The following NXPE4 variants were observed in gnomAD, a reference collection of about 807,000 sequenced individuals.
NXPE4 encodes NXPE family member 4.
Under a neutral mutation model 33.3 loss-of-function variants are expected in NXPE4, and 42 were observed. The observed-to-expected ratio is 1.26, with a 90% CI of 0.98 to 1.63. The LOEUF is 1.63. Ranked by LOEUF, NXPE4 falls within the 40% of genes most tolerant of loss-of-function variation. The pLI is 0.00. For missense variants in NXPE4, 709 were observed against 647.6 expected (o/e 1.09, Z -1.03); for synonymous variants, 253 against 234.9 (o/e 1.08, Z -0.71).
chr11:114,594,582 T>G (rs1413460699), intron 2 of NXPE4, 82 bp downstream of exon 2: 4 of 858,116 alleles, frequency 4.7e-6, no homozygotes, highest in Non-Finnish European at 7.7e-6. Flanking sequence ...CTACAAGTCT[T>G]GTAGTTTAGC....
At position 114,571,243 on chromosome 11, in the gene NXPE4, T is replaced by C. The variant is rs1948876875; in HGVS notation, c.1330A>G (p.Ile444Val). 1 of 1,614,018 alleles carries C rather than the reference T, an allele frequency of 6.2e-7. No homozygotes were observed. Among genetic ancestry groups the C allele is most frequent in the Non-Finnish European group, 8.5e-7 (1 of 1,179,948 alleles). ...AGGGCCCTTCGGATAAAAACATCAA[T>C]GGGAAAGGGTCTGAAATGCTGGCCC... is the stretch of plus-strand genomic sequence containing the variant. ...SLGQHFRPFP[I>V]DVFIRRALNV... Residue 444 changes from isoleucine (I) to valine (V), a missense_variant, in exon 6 of 6, where the codon ATT becomes GTT. Transcript: ENST00000375478.
chr11:114,599,047 A>G (rs567094272), upstream of NXPE4, among the ~76,000 whole-genome samples: 98 of 152,244 alleles, frequency 6.4e-4, 2 homozygotes, highest in South Asian at 0.018. Flanking sequence ...TTTTTAGTAT[A>G]ATTTCCAGTT....
chr11:114,631,714 G>A, the NXPE4 span, among the ~76,000 whole-genome samples: 14 of 151,450 alleles, frequency 9.2e-5, no homozygotes, highest in Non-Finnish European at 1.5e-4. Flanking sequence ...ACTGTTACCC[G>A]GTGGGTAATA....
chr11:114,630,763 C>G, the NXPE4 span, among the ~76,000 whole-genome samples: 1 of 151,756 alleles, frequency 6.6e-6, no homozygotes, highest in Non-Finnish European at 1.5e-5. Context: ...AAAATCTTCG[C>G]AACCTACTCA....
chr11:114,646,573 C>T, the NXPE4 span, among the ~76,000 whole-genome samples: 2 of 151,854 alleles, frequency 1.3e-5, no homozygotes, highest in Non-Finnish European at 2.9e-5. Flanking sequence ...AATATAGTTG[C>T]TATTCATTTC....
chr11:114,634,366 C>G, the NXPE4 span, among the ~76,000 whole-genome samples: 2 of 151,976 alleles, frequency 1.3e-5, no homozygotes, highest in Non-Finnish European at 2.9e-5. Flanking sequence ...GATATTAGCC[C>G]TTTGTCAGAT....
At chr11:114,612,664 GATA>G in the NXPE4 span, among the ~76,000 whole-genome samples, 1 of 151,544 alleles carries the variant, frequency 6.6e-6, no homozygotes, top group African/African-American at 2.4e-5. Context: ...TTACCCAGTG[GATA>G]ATACGTGTTG....
the NXPE4 span, among the ~76,000 whole-genome samples, chr11:114,669,674 T>C: frequency 6.6e-6 from 1 of 152,076 alleles, no homozygotes; most frequent in Non-Finnish European, 1.5e-5. Flanking sequence ...TCTGGAGCAA[T>C]GGCAGAAGTT....
chr11:114,598,008 C>T (rs1949596954), upstream of NXPE4, among the ~76,000 whole-genome samples: 1 of 152,070 alleles, frequency 6.6e-6, no homozygotes, highest in African/African-American at 2.4e-5. Context: ...AAGTCCCTTC[C>T]ACCTATGAGC....
the NXPE4 span, among the ~76,000 whole-genome samples, chr11:114,619,589 G>C: frequency 8.4e-5 from 12 of 143,078 alleles, no homozygotes; most frequent in Non-Finnish European, 1.7e-4. Context: ...TTGCCTCGTG[G>C]GTAACCAGTG....
the NXPE4 span, among the ~76,000 whole-genome samples, chr11:114,634,724 C>A: frequency 6.6e-6 from 1 of 152,044 alleles, no homozygotes; most frequent in African/African-American, 2.4e-5. Context: ...ATAGGGAATA[C>A]TTTCCCCATT....
At chr11:114,668,881 G>T in the NXPE4 span, among the ~76,000 whole-genome samples, 441 of 152,022 alleles carry the variant, frequency 2.9e-3, 7 homozygotes, top group East Asian at 6.4e-3. Context: ...AGCAACCAAA[G>T]GTATACAATA....
chr11:114,572,991 C>G (rs926397775), intron 5 of NXPE4, among the ~76,000 whole-genome samples: 6 of 152,156 alleles, frequency 3.9e-5, no homozygotes, highest in Admixed American at 3.9e-4. Context: ...TAAAAGAAAA[C>G]TTATCAGATT....
chr11:114,658,777 A>G, the NXPE4 span, among the ~76,000 whole-genome samples: 1 of 152,186 alleles, frequency 6.6e-6, no homozygotes, highest in African/African-American at 2.4e-5. Flanking sequence ...AGGATCACTG[A>G]GAAGGCCTTT....
chr11:114,638,802 GCTGT>G, the NXPE4 span, among the ~76,000 whole-genome samples: 1 of 151,996 alleles, frequency 6.6e-6, no homozygotes, highest in Non-Finnish European at 1.5e-5. Context: ...CGTGAATGCT[GCTGT>G]CTGATTGTTC....
the NXPE4 span, among the ~76,000 whole-genome samples, chr11:114,632,294 TCCA>T: frequency 2.2e-5 from 3 of 137,686 alleles, no homozygotes; most frequent in Non-Finnish European, 4.6e-5. Context: ...ATGTATATTA[TCCA>T]CCACCACCAC....
At chr11:114,588,443 T>C (rs2135268053) in intron 2 of NXPE4, among the ~76,000 whole-genome samples, 1 of 152,276 alleles carries the variant, frequency 6.6e-6, no homozygotes, top group Admixed American at 6.5e-5. Flanking sequence ...GTTATGCTGC[T>C]CCTAAGCCAA....
the NXPE4 span, among the ~76,000 whole-genome samples, chr11:114,639,810 T>TATAATATATATTATATTA: frequency 5.1e-5 from 4 of 77,958 alleles, no homozygotes; most frequent in African/African-American, 1.4e-4. Flanking sequence ...AAATATAAAA[T>TATAATATATATTATATTA]AATATAAAAT....
At chr11:114,601,797 T>G in the NXPE4 span, among the ~76,000 whole-genome samples, 1 of 68,434 alleles carries the variant, frequency 1.5e-5, no homozygotes, top group African/African-American at 7.6e-5. Flanking sequence ...ATGTGATATA[T>G]GATTATATAT....
Sources: gnomAD v4.1 joint callset for allele counts (sites outside exome capture counted in the v4.1 genomes callset) on GRCh38, gnomAD v4.1.1 for gene constraint, MANE v1.5 for transcripts, NCBI Gene and HGNC (gene_info 2026-07-23, HGNC 2026-07-21) for gene names.